LTBP1: variants seen among roughly 807,000 people sequenced by gnomAD.
The protein encoded by LTBP1 is latent transforming growth factor beta binding protein 1, also known as latent-transforming growth factor beta-binding protein 1.
A neutral mutation model predicts 207.6 loss-of-function variants in LTBP1; 129 were observed. That is an observed-to-expected ratio of 0.62 (90% CI 0.54 to 0.72). The LOEUF is 0.72. LTBP1 is among the 30% of genes least tolerant of loss of function. The pLI, the probability that LTBP1 is intolerant of heterozygous loss-of-function variation, is 0.00. For missense variants in LTBP1, 2,281 were observed against 2,217.2 expected, an observed-to-expected ratio of 1.03 and a Z score of -0.58; for synonymous variants, 963 against 833.7, an observed-to-expected ratio of 1.16 and a Z score of -2.67.
intron 3 of LTBP1, among the ~76,000 whole-genome samples, chr2:33,058,189 T>G (rs528401045): frequency 6.6e-6 from 1 of 152,362 alleles, no homozygotes; most frequent in Admixed American, 6.5e-5. Context: ...ATAGCTATGA[T>G]GAAGTATATA....
chr2:33,103,098 T>C (rs1250248811), intron 3 of LTBP1, among the ~76,000 whole-genome samples: 1 of 152,106 alleles, frequency 6.6e-6, no homozygotes, highest in Non-Finnish European at 1.5e-5. Flanking sequence ...GCACTGTTTG[T>C]ATGCAGATTC....
Position 33,008,961 on chromosome 2 carries a change from G to A in LTBP1, c.566-11948G>A, listed in dbSNP as rs182629825. Among the ~76,000 whole-genome samples, 480 of 152,352 alleles carry A rather than the reference G, an allele frequency of 3.2e-3. 2 individuals are homozygous for A. The highest frequency in any genetic ancestry group is 4.4e-3 in the Admixed American group (67 of 15,304). The stretch of plus-strand genomic sequence containing the variant: ...GACCAGCAAGCAAGCCAGGGTGACC[G>A]GAGTGTGGCACTCAAGGGAGTGCAA... On this transcript the variant is annotated intron_variant, in intron 2 of 33. Transcript: ENST00000404816.
At chr2:33,092,005 A>G (rs1329033528) in intron 3 of LTBP1, among the ~76,000 whole-genome samples, 2 of 152,174 alleles carry the variant, frequency 1.3e-5, no homozygotes, top group African/African-American at 2.4e-5. Context: ...GTGACTGTGG[A>G]GAGTAGCCTT....
intron 7 of LTBP1, among the ~76,000 whole-genome samples, chr2:33,205,146 A>G (rs2089738364): frequency 6.6e-6 from 1 of 152,124 alleles, no homozygotes; most frequent in Non-Finnish European, 1.5e-5. Context: ...AATAACCTAT[A>G]CTTGTCTCTC....
chr2:33,046,202 G>C (rs1051833599), intron 3 of LTBP1, among the ~76,000 whole-genome samples: 3 of 152,168 alleles, frequency 2.0e-5, no homozygotes, highest in South Asian at 2.1e-4. Context: ...GGTTTTCAAA[G>C]GGAATGCTTC....
intron 3 of LTBP1, among the ~76,000 whole-genome samples, chr2:33,085,940 G>A (rs219105): frequency 0.87 from 132,736 of 152,182 alleles, 60,428 homozygotes; most frequent in East Asian, 1. Context: ...ATCAATCCAT[G>A]GTGCATTGGG....
At chr2:33,117,430 T>G (rs2080811208) in intron 4 of LTBP1, among the ~76,000 whole-genome samples, 1 of 151,924 alleles carries the variant, frequency 6.6e-6, no homozygotes, top group Non-Finnish European at 1.5e-5. Context: ...GAGCGAAGAG[T>G]CTTTACGGTT....
rs2093498781 is a variant in LTBP1 at position 33,278,785 on chromosome 2, C to CT, written c.2993-1249dup. Among the ~76,000 whole-genome samples the CT allele has an allele frequency of 2.0e-5, 3 of 152,238 alleles. No homozygotes were observed. The South Asian group carries it at 6.2e-4, about 32-fold the overall frequency. On this transcript the variant is annotated intron_variant, in intron 18 of 33. Coordinates refer to ENST00000404816, the MANE Select transcript of LTBP1 (RefSeq NM_206943.4). ...GGAAAATGAAACTGGCAAGCACCATCTTTTTGTAGAACAAGAAGTCCCAGA... is the reference window on the plus strand; with the variant it reads ...GGAAAATGAAACTGGCAAGCACCATCTTTTTTGTAGAACAAGAAGTCCCAGA...
chr2:33,141,072 G>C (rs976305082), intron 5 of LTBP1, among the ~76,000 whole-genome samples: 6 of 152,240 alleles, frequency 3.9e-5, no homozygotes, highest in Non-Finnish European at 7.3e-5. Flanking sequence ...TGCCAGGTAT[G>C]GGGGTTCAGG....
At chr2:32,991,583 A>G (rs944910723) in intron 2 of LTBP1, among the ~76,000 whole-genome samples, 2 of 152,218 alleles carry the variant, frequency 1.3e-5, no homozygotes, top group Non-Finnish European at 2.9e-5. Context: ...TGAGTGATAC[A>G]TTGATGCTTG....
At chr2:33,277,803 C>CTTTCTTTCTTTCTT (rs1558933747) in intron 18 of LTBP1, among the ~76,000 whole-genome samples, 1 of 59,970 alleles carries the variant, frequency 1.7e-5, no homozygotes, top group African/African-American at 7.3e-5. Flanking sequence ...CTTTCTCTCT[C>CTTTCTTTCTTTCTT]TCTTTCTTTT....
intron 5 of LTBP1, among the ~76,000 whole-genome samples, chr2:33,182,119 T>G (rs6759943): frequency 8.7e-4 from 132 of 151,876 alleles, no homozygotes; most frequent in Non-Finnish European, 1.2e-3. Context: ...TACTGGACTT[T>G]TATTGGTTGA....
chr2:33,178,108 T>C (rs1401263881), intron 5 of LTBP1, among the ~76,000 whole-genome samples: 1 of 152,178 alleles, frequency 6.6e-6, no homozygotes, highest in African/African-American at 2.4e-5. Flanking sequence ...GTAGTCTACA[T>C]AGTGATTTTG....
chr2:32,970,249 G>A (rs1360437768), intron 2 of LTBP1, among the ~76,000 whole-genome samples: 1 of 152,154 alleles, frequency 6.6e-6, no homozygotes, highest in Non-Finnish European at 1.5e-5. Flanking sequence ...CCTTTGCTGT[G>A]CAGAAGCTCT....
At chr2:33,123,164 C>A (rs887278605) in intron 4 of LTBP1, among the ~76,000 whole-genome samples, 1 of 152,192 alleles carries the variant, frequency 6.6e-6, no homozygotes, top group African/African-American at 2.4e-5. Context: ...GAGACCCCTG[C>A]AACACTTGGA....
chr2:32,973,392 A>G (rs1681215305), intron 2 of LTBP1, among the ~76,000 whole-genome samples: 1 of 152,158 alleles, frequency 6.6e-6, no homozygotes, highest in African/African-American at 2.4e-5. Context: ...CCAGTATGTA[A>G]TGCTCTTTTG....
Position 32,977,405 on chromosome 2 carries a change from CTGGGCGGGAAGT to C in LTBP1, c.565+28464_565+28475del, listed in dbSNP as rs534484777. ...CTGACTTCAGGCAGAAACAGGACCA[CTGGGCGGGAAGT>C]TGGCACTGAGCCTTGTCTATCAAGG... On this transcript the variant is annotated intron_variant, in intron 2 of 33. Coordinates refer to ENST00000404816, the MANE Select transcript of LTBP1 (RefSeq NM_206943.4). Among the ~76,000 whole-genome samples the C allele has an allele frequency of 1.5e-4, 23 of 152,340 alleles. No homozygotes were observed. In the South Asian group the frequency reaches 4.8e-3, roughly 32 times the overall value.
intron 3 of LTBP1, among the ~76,000 whole-genome samples, chr2:33,031,446 A>G (rs1169102855): frequency 2.0e-5 from 3 of 152,144 alleles, no homozygotes; most frequent in East Asian, 1.9e-4. Context: ...CCACATACCA[A>G]CTACTGTTCT....
chr2:33,287,047 G>T (rs1287967708), intron 19 of LTBP1, among the ~76,000 whole-genome samples: 1 of 152,088 alleles, frequency 6.6e-6, no homozygotes, highest in Non-Finnish European at 1.5e-5. Context: ...AAACCTGCAC[G>T]TTGTGCACAT....
Sources: allele counts gnomAD v4.1 joint callset (sites outside exome capture counted in the v4.1 genomes callset), GRCh38; gene constraint gnomAD v4.1.1; transcripts MANE v1.5; gene names NCBI Gene and HGNC (gene_info 2026-07-23, HGNC 2026-07-21).